The following TMEM50B variants were observed in gnomAD, a reference collection of about 807,000 sequenced individuals.
The protein encoded by TMEM50B is transmembrane protein 50B, also known as HCV p7-trans-regulated protein 3.
In TMEM50B, 14 loss-of-function variants were observed where a neutral mutation model predicts 23.4. The ratio of observed to expected loss-of-function variants is 0.60; its 90% CI spans 0.39 to 0.93. The LOEUF (loss-of-function observed/expected upper bound fraction) is 0.93, where lower values mean the gene tolerates loss of function less well. Ranked by LOEUF, TMEM50B falls within the 40% of genes least tolerant of loss-of-function variation. The pLI, the probability that TMEM50B is intolerant of heterozygous loss-of-function variation, is 0.00. For missense variants in TMEM50B, 159 were observed against 193.0 expected (o/e 0.82, Z 1.04); for synonymous variants, 64 against 62.3 (o/e 1.03, Z -0.13).
chr21:33,472,346 G>GCAATCAGTCAC (rs1394174407), intron 1 of TMEM50B, among the ~76,000 whole-genome samples: 1 of 151,474 alleles, frequency 6.6e-6, no homozygotes, highest in Admixed American at 6.6e-5. Flanking sequence ...TTGCACCACT[G>GCAATCAGTCAC]CACTCCAGTC....
At chr21:33,457,814 C>A (rs554881196) in intron 5 of TMEM50B, among the ~76,000 whole-genome samples, 7 of 152,246 alleles carry the variant, frequency 4.6e-5, no homozygotes, top group Middle Eastern at 6.8e-3. Context: ...AAGCCATTAA[C>A]CTGAGGCTAT....
intron 8 of TMEM50B, among the ~76,000 whole-genome samples, chr21:33,433,590 T>C (rs2083912096): frequency 6.6e-6 from 1 of 151,700 alleles, no homozygotes; most frequent in Admixed American, 6.6e-5. Context: ...AGTAGAATGG[T>C]GGTTGCGGTG....
At chr21:33,454,885 G>A (rs1407637359) in intron 6 of TMEM50B, among the ~76,000 whole-genome samples, 1 of 152,034 alleles carries the variant, frequency 6.6e-6, no homozygotes, top group Admixed American at 6.6e-5. Flanking sequence ...GGGAGGCCGA[G>A]GCAGGCAAAT....
chr21:33,473,080 T>A (rs775001222), intron 1 of TMEM50B, among the ~76,000 whole-genome samples: 1 of 151,602 alleles, frequency 6.6e-6, no homozygotes, highest in Admixed American at 6.6e-5. Context: ...GACAGAACAA[T>A]AGGAATGATG....
At chr21:33,469,255 G>C (rs1365025161) in intron 1 of TMEM50B, among the ~76,000 whole-genome samples, 1 of 152,092 alleles carries the variant, frequency 6.6e-6, no homozygotes, top group South Asian at 2.1e-4. Flanking sequence ...TTCGAGACCA[G>C]CCTGGCCAAT....
At chr21:33,456,615 C>A (rs934515373) in intron 5 of TMEM50B, among the ~76,000 whole-genome samples, 1 of 152,118 alleles carries the variant, frequency 6.6e-6, no homozygotes, top group Non-Finnish European at 1.5e-5. Flanking sequence ...TCATAGCAAA[C>A]AATACAGCAG....
intron 3 of TMEM50B, 112 bp downstream of exon 3, chr21:33,466,898 T>TA (rs1291132675): frequency 1.3e-6 from 1 of 787,126 alleles, no homozygotes; most frequent in African/African-American, 1.8e-5. Flanking sequence ...TGTATCATGT[T>TA]AAAAAATAGT....
downstream of TMEM50B, among the ~76,000 whole-genome samples, chr21:33,446,679 C>CAAAAAAAAA (rs1409384682): frequency 9.8e-6 from 1 of 102,356 alleles, no homozygotes; most frequent in African/African-American, 3.7e-5. Flanking sequence ...AAAAAAAAAA[C>CAAAAAAAAA]CTCTAAGAAA....
At chr21:33,462,986 C>T (rs2084230853) in intron 4 of TMEM50B, among the ~76,000 whole-genome samples, 1 of 152,208 alleles carries the variant, frequency 6.6e-6, no homozygotes, top group African/African-American at 2.4e-5. Flanking sequence ...AAATCTACAT[C>T]AGCATTTAAA....
In TMEM50B at chr21:33,449,356, G is replaced by A. The variant is rs1419082086; in HGVS notation, c.*1462C>T. ...GAAATCCTCTCAAGAGAGAGGAGAG[G>A]AGTGATGCCAAATGGGCTTACATTA... is the stretch of plus-strand genomic sequence containing the variant. On this transcript the variant is annotated 3_prime_UTR_variant, in exon 7 of 7. Transcript: ENST00000542230. 2 of 152,674 alleles carry A rather than the reference G, an allele frequency of 1.3e-5. No individual in the cohort carries two copies. The highest frequency in any genetic ancestry group is 4.8e-5 in the African/African-American group (2 of 41,564). The allele number at this position is 152,674 out of a possible 1,614,324, so 9.5% of individuals were successfully genotyped here. A position where few individuals can be genotyped will look rare whatever the true frequency, so the allele number is the denominator to read the frequency against.
intron 8 of TMEM50B, among the ~76,000 whole-genome samples, chr21:33,438,843 CCTCAGCCTCCCGAATAG>C (rs2083982794): frequency 6.6e-6 from 1 of 152,086 alleles, no homozygotes; most frequent in Admixed American, 6.6e-5. Flanking sequence ...AATTCTCCTG[CCTCAGCCTCCCGAATAG>C]CTGGGATTAC....
chr21:33,455,723 T>G lies in TMEM50B; in HGVS notation c.431+4A>C, dbSNP rs1413162556. On this transcript the variant is annotated splice_donor_region_variant and intron_variant, in intron 6 of 6. Transcript: ENST00000542230. ...AGGCGTGGTTAAAAAATAAGGCAAC[T>G]TACCTAAAAAATATAAGTGCATTTT... The G allele has an allele frequency of 1.2e-6, 2 of 1,612,670 alleles. No individual in the cohort carries two copies. The highest frequency in any genetic ancestry group is 1.7e-6 in the Non-Finnish European group (2 of 1,178,792).
intron 1 of TMEM50B, among the ~76,000 whole-genome samples, chr21:33,477,727 T>G (rs1426306991): frequency 6.7e-6 from 1 of 149,328 alleles, no homozygotes; most frequent in Non-Finnish European, 1.5e-5. Context: ...AGGAGAATCG[T>G]TTAAACCTGG....
chr21:33,435,612 AG>A (rs905171867), intron 8 of TMEM50B, among the ~76,000 whole-genome samples: 3 of 152,064 alleles, frequency 2.0e-5, no homozygotes, highest in African/African-American at 7.2e-5. Context: ...TGGCTGGGTG[AG>A]GTGGCTCATG....
intron 1 of TMEM50B, chr21:33,478,651 C>T (rs2084396713): frequency 7.3e-6 from 3 of 412,454 alleles, no homozygotes. Flanking sequence ...ATATACGTCC[C>T]CACCTCACTC....
chr21:33,449,500 C>T lies in TMEM50B; in HGVS notation c.*1318G>A, dbSNP rs1044195. 28,137 of 152,416 alleles carry T rather than the reference C, an allele frequency of 0.18. 3,179 individuals are homozygous for T. The highest frequency in any genetic ancestry group is 0.24 in the Non-Finnish European group (16,260 of 68,002). The allele number at this position is 152,416 out of a possible 1,614,324, so 9.4% of individuals were successfully genotyped here. A position where few individuals can be genotyped will look rare whatever the true frequency, so the allele number is the denominator to read the frequency against. On this transcript the variant is annotated 3_prime_UTR_variant, in exon 7 of 7. Coordinates refer to ENST00000542230, the MANE Select transcript of TMEM50B (RefSeq NM_006134.7). ...AGGAAAGCAAAAGTAGCAATAAGGG[C>T]CCAGAGGAATACAAACAGTGCAAAT... is the stretch of plus-strand genomic sequence containing the variant.
Position 33,455,613 on chromosome 21 carries a change from T to G in TMEM50B, c.431+114A>C. 4 of 902,920 alleles carry G rather than the reference T, an allele frequency of 4.4e-6. No homozygotes were observed. In the South Asian group the frequency reaches 5.9e-5, roughly 13 times the overall value. 55.9% of individuals were successfully genotyped at this position (902,920 alleles called of 1,614,324 possible). A position where few individuals can be genotyped will look rare whatever the true frequency, so the allele number is the denominator to read the frequency against. On this transcript the variant is annotated intron_variant, in intron 6 of 6. Transcript: ENST00000542230. ...GGAATTCTCACCTTTTAAAAGAAGT[T>G]CTATCATTGTAACCAATCCATGGGA...
intron 2 of TMEM50B, 47 bp downstream of exon 2, chr21:33,468,740 G>T: frequency 6.7e-7 from 1 of 1,486,940 alleles, no homozygotes; most frequent in Non-Finnish European, 9.3e-7. Flanking sequence ...TAATTTCCAG[G>T]GCAAAAGGTA....
At chr21:33,453,032 T>C (rs9979504) in intron 6 of TMEM50B, among the ~76,000 whole-genome samples, 2,169 of 152,316 alleles carry the variant, frequency 0.014, 36 homozygotes, top group African/African-American at 0.035. Context: ...AGATTAGACA[T>C]TGCAGAAGTA....
Sources: gnomAD v4.1 joint callset for allele counts (sites outside exome capture counted in the v4.1 genomes callset) on GRCh38, gnomAD v4.1.1 for gene constraint, MANE v1.5 for transcripts, NCBI Gene and HGNC (gene_info 2026-07-23, HGNC 2026-07-21) for gene names.